PTPRT: variants seen among roughly 807,000 people sequenced by gnomAD.
PTPRT encodes the protein protein tyrosine phosphatase receptor type T.
PTPRT carries 56 observed loss-of-function variants against 176.8 expected under a neutral mutation model. The observed-to-expected ratio is 0.32, with a 90% CI of 0.26 to 0.40. The LOEUF is 0.40. PTPRT is among the 10% of genes least tolerant of loss of function. The pLI, the probability that PTPRT is intolerant of heterozygous loss-of-function variation, is 1.00. For synonymous variants in PTPRT, 783 were observed against 739.0 expected (o/e 1.06, Z -0.96); for missense variants, 1,540 against 1,908.2 (o/e 0.81, Z 3.60).
At chr20:42,808,842 T>C (rs2077652859) in intron 2 of PTPRT, among the ~76,000 whole-genome samples, 1 of 152,122 alleles carries the variant, frequency 6.6e-6, no homozygotes, top group African/African-American at 2.4e-5. Context: ...TGGGTGACTG[T>C]TGGGTAGATG....
intron 7 of PTPRT, among the ~76,000 whole-genome samples, chr20:42,589,994 T>C (rs2073540966): frequency 6.6e-6 from 1 of 152,172 alleles, no homozygotes; most frequent in African/African-American, 2.4e-5. Context: ...TGGACCTTTG[T>C]GATGGGCTGG....
chr20:42,267,643 C>A (rs896333461), intron 13 of PTPRT, among the ~76,000 whole-genome samples: 8 of 152,094 alleles, frequency 5.3e-5, no homozygotes, highest in Admixed American at 4.6e-4. Context: ...CTGCTGGCAT[C>A]CAGTGGGGAG....
intron 6 of PTPRT, among the ~76,000 whole-genome samples, chr20:42,737,878 T>A (rs1056098139): frequency 4.6e-5 from 7 of 152,274 alleles, no homozygotes; most frequent in Admixed American, 2.6e-4. Context: ...CAAGTTGAAG[T>A]AACCCAATAA....
intron 1 of PTPRT, among the ~76,000 whole-genome samples, chr20:42,980,991 C>T (rs1983241436): frequency 6.6e-6 from 1 of 152,170 alleles, no homozygotes; most frequent in Admixed American, 6.5e-5. Context: ...AACTTTTTAA[C>T]CTCTCCTATC....
intron 28 of PTPRT, among the ~76,000 whole-genome samples, 192 bp downstream of exon 28, chr20:42,085,536 G>A (rs1263914335): frequency 4.6e-5 from 7 of 152,162 alleles, no homozygotes; most frequent in African/African-American, 9.7e-5. Flanking sequence ...GATGTCGCTC[G>A]TTGCATCTCT....
At chr20:42,216,055 C>T (rs2055762748) in intron 15 of PTPRT, among the ~76,000 whole-genome samples, 1 of 152,326 alleles carries the variant, frequency 6.6e-6, no homozygotes, top group Middle Eastern at 3.4e-3. Flanking sequence ...AGCAGCGTCT[C>T]CTGGTTGCTG....
At chr20:43,166,730 G>T (rs1015044267) in intron 1 of PTPRT, among the ~76,000 whole-genome samples, 1 of 152,124 alleles carries the variant, frequency 6.6e-6, no homozygotes, top group African/African-American at 2.4e-5. Flanking sequence ...AGATAAGGGG[G>T]GTAAGAGAGA....
chr20:42,560,441 T>C (rs1172274227), intron 7 of PTPRT, among the ~76,000 whole-genome samples: 2 of 152,168 alleles, frequency 1.3e-5, no homozygotes, highest in Admixed American at 6.5e-5. Context: ...TGTTGTTGGA[T>C]ATTTCAAAGC....
intron 1 of PTPRT, among the ~76,000 whole-genome samples, chr20:43,038,006 A>G (rs1271954915): frequency 6.6e-6 from 1 of 152,152 alleles, no homozygotes; most frequent in Non-Finnish European, 1.5e-5. Context: ...TAAGACAGTA[A>G]AAAAATCTGA....
chr20:42,732,659 GGCAAGTTTCTTGTT>G (rs1179452914), intron 6 of PTPRT, among the ~76,000 whole-genome samples: 2 of 152,158 alleles, frequency 1.3e-5, no homozygotes, highest in Non-Finnish European at 2.9e-5. Flanking sequence ...TTAGAGGTTT[GGCAAGTTTCTTGTT>G]GCAAGTTTCT....
intron 6 of PTPRT, among the ~76,000 whole-genome samples, chr20:42,689,425 G>A (rs1261672455): frequency 6.6e-6 from 1 of 152,136 alleles, no homozygotes; most frequent in Non-Finnish European, 1.5e-5. Context: ...CTCACTGAGA[G>A]CCACCTCCAC....
At chr20:42,805,535 A>G (rs1157043109) in intron 2 of PTPRT, among the ~76,000 whole-genome samples, 1 of 152,196 alleles carries the variant, frequency 6.6e-6, no homozygotes, top group African/African-American at 2.4e-5. Context: ...TGTGAACAAA[A>G]CAGTGAAGAT....
chr20:42,163,931 T>G (rs947570038), intron 16 of PTPRT, among the ~76,000 whole-genome samples: 6 of 152,244 alleles, frequency 3.9e-5, no homozygotes, highest in African/African-American at 1.4e-4. Flanking sequence ...GAAGGCATCC[T>G]TCCAGCGAAT....
intron 13 of PTPRT, among the ~76,000 whole-genome samples, chr20:42,281,649 T>A (rs1300986337): frequency 6.6e-6 from 1 of 152,192 alleles, no homozygotes; most frequent in African/African-American, 2.4e-5. Context: ...TACGGTTATA[T>A]GCCTACTTAC....
At chr20:42,537,465 A>T (rs1174953910) in intron 7 of PTPRT, among the ~76,000 whole-genome samples, 1 of 152,192 alleles carries the variant, frequency 6.6e-6, no homozygotes, top group Non-Finnish European at 1.5e-5. Context: ...GTCTACTCTG[A>T]TTTACTTTCA....
rs548580799 is a variant in PTPRT, at chr20:42,184,521, T to C, written c.2491+14719A>G. On this transcript the variant is annotated intron_variant, in intron 16 of 30. Transcript: ENST00000373187. The stretch of plus-strand genomic sequence containing the variant: ...CCCCCTTCCTCCTCCTCCTCCTCCT[T>C]CTTCTTCTTCTTCCTCTTCCTCTTC... Among the ~76,000 whole-genome samples the C allele has an allele frequency of 4.6e-3, 497 of 107,520 alleles. 3 individuals are homozygous for C. The highest frequency in any genetic ancestry group is 8.3e-3 in the Middle Eastern group (2 of 242). The allele number at this position is 107,520 out of a possible 152,430, so 70.5% of individuals were successfully genotyped here.
At chr20:42,784,884 C>A (rs1297911362) in intron 3 of PTPRT, among the ~76,000 whole-genome samples, 1 of 152,158 alleles carries the variant, frequency 6.6e-6, no homozygotes, top group Non-Finnish European at 1.5e-5. Flanking sequence ...AAATTAACAT[C>A]ACCTAGAAAG....
chr20:42,719,720 G>C (rs529932827), intron 6 of PTPRT, among the ~76,000 whole-genome samples: 4 of 152,176 alleles, frequency 2.6e-5, no homozygotes, highest in Non-Finnish European at 5.9e-5. Flanking sequence ...AATCAAGCAG[G>C]GTGTTCTTTC....
intron 7 of PTPRT, among the ~76,000 whole-genome samples, chr20:42,515,171 T>G (rs184416878): frequency 4.6e-5 from 7 of 152,316 alleles, no homozygotes; most frequent in Non-Finnish European, 7.4e-5. Flanking sequence ...CAATGCAATT[T>G]TATAATTTTT....
Sources: allele counts gnomAD v4.1 joint callset (sites outside exome capture counted in the v4.1 genomes callset), GRCh38; gene constraint gnomAD v4.1.1; transcripts MANE v1.5; gene names NCBI Gene and HGNC (gene_info 2026-07-23, HGNC 2026-07-21).